The following PRRC2C variants were observed in gnomAD, a reference collection of about 807,000 sequenced individuals.
PRRC2C encodes the protein protein PRRC2C.
PRRC2C carries 72 observed loss-of-function variants against 317.2 expected under a neutral mutation model. That is an observed-to-expected ratio of 0.23 (90% confidence interval 0.19 to 0.28). The LOEUF is 0.28. PRRC2C is among the 10% of genes least tolerant of loss of function. PRRC2C has a pLI of 1.00. For missense variants in PRRC2C, 3,074 were observed against 3,459.7 expected, an observed-to-expected ratio of 0.89 and a Z score of 2.80; for synonymous variants, 1,296 against 1,205.9, an observed-to-expected ratio of 1.07 and a Z score of -1.55.
chr1:171,563,543 G>A (rs1315345673), intron 20 of PRRC2C, among the ~76,000 whole-genome samples: 1 of 152,040 alleles, frequency 6.6e-6, no homozygotes. Context: ...TGCTATAAAG[G>A]AGTACAGAAA....
chr1:171,514,434 C>A (rs1671954912), intron 3 of PRRC2C, 102 bp from the exon 4 acceptor site: 2 of 868,696 alleles, frequency 2.3e-6, no homozygotes, highest in Middle Eastern at 2.8e-4. Context: ...AATGAATAAA[C>A]ATATAGCCAA....
intron 17 of PRRC2C, among the ~76,000 whole-genome samples, chr1:171,548,054 C>G (rs916260512): frequency 6.6e-6 from 1 of 152,138 alleles, no homozygotes; most frequent in Non-Finnish European, 1.5e-5. Context: ...CAACCTCTGC[C>G]TCCCAGGTTC....
At chr1:171,585,338 T>G (rs1463497214) in intron 30 of PRRC2C, among the ~76,000 whole-genome samples, 1 of 152,198 alleles carries the variant, frequency 6.6e-6, no homozygotes, top group African/African-American at 2.4e-5. Flanking sequence ...AACACTTTCT[T>G]AAGTGTATGA....
intron 1 of PRRC2C, among the ~76,000 whole-genome samples, chr1:171,502,137 G>A (rs1450245590): frequency 3.3e-5 from 5 of 152,202 alleles, no homozygotes; most frequent in African/African-American, 1.2e-4. Flanking sequence ...CTAATCCAAG[G>A]CTCTGCAAAA....
rs112284184 is a variant in PRRC2C at position 171,528,136 on chromosome 1, T to G, written c.1254+292T>G. Among the ~76,000 whole-genome samples the G allele has an allele frequency of 1.9e-3, 284 of 152,258 alleles. 1 individual carries two copies. The highest frequency in any genetic ancestry group is 3.1e-3 in the South Asian group (15 of 4,828). ...TTTGGTGCTAAGGACACTTTTTTAC[T>G]TGGTTCCTTGTATCCTTTTCCACTT... On this transcript the variant is annotated intron_variant, in intron 11 of 34. Coordinates refer to ENST00000647382, the MANE Select transcript of PRRC2C (RefSeq NM_001387844.1).
rs760976009 is a variant in PRRC2C, at chr1:171,537,413, C to G, written c.2444C>G (p.Pro815Arg). 5 of 1,588,976 alleles carry G rather than the reference C, an allele frequency of 3.1e-6. No homozygotes were observed. The highest frequency in any genetic ancestry group is 1.3e-5 in the African/African-American group (1 of 74,476). The change falls in exon 15 of 35, where the codon CCT becomes CGT. Residue 815 changes from proline to arginine, a missense_variant. By Grantham distance (103) the Pro-to-Arg change is moderately radical (BLOSUM62 -2). Transcript: ENST00000647382. Reference protein sequence around the residue: ...PRMLWGSDPYPHAEPQQATTP... With the variant: ...PRMLWGSDPYRHAEPQQATTP... The stretch of plus-strand genomic sequence containing the variant: ...ATGCTGTGGGGGTCAGATCCCTATC[C>G]TCATGCTGAGCCTCAACAAGCAACT...
Position 171,541,309 on chromosome 1 carries a change from C to G in PRRC2C, c.3843C>G (p.Asp1281Glu), listed in dbSNP as rs1362479775. ...TTCATGAAAGTGCAAGTGACAAGGA[C>G]AGTTTAAGTAAAGGCAAACTTCCCA... is the stretch of plus-strand genomic sequence containing the variant. ...SEIHESASDK[D>E]SLSKGKLPKR... The change falls in exon 16 of 35, where the codon GAC becomes GAG. Residue 1281 changes from aspartate (D) to glutamate (E), a missense_variant. Around this residue, in one of 11 missense-constraint regions of PRRC2C, gnomAD observed 1,320 missense variants for 1,395.7 expected, o/e 0.95. Transcript: ENST00000647382. This position sits in a 1 kb window ranked among gnomAD's most constrained non-coding sequence, Gnocchi z 4.1. 4.3e-6 allele frequency: 7 copies of G among 1,613,918 alleles called. No individual in the cohort carries two copies. The highest frequency in any genetic ancestry group is 5.9e-6 in the Non-Finnish European group (7 of 1,179,886).
intron 1 of PRRC2C, among the ~76,000 whole-genome samples, chr1:171,496,041 G>A (rs182603612): frequency 9.9e-5 from 15 of 151,842 alleles, no homozygotes; most frequent in African/African-American, 2.4e-4. Flanking sequence ...CTCATGGCCC[G>A]TACAACCTCA....
At chr1:171,505,936 G>A (rs979480266) in intron 1 of PRRC2C, among the ~76,000 whole-genome samples, 2 of 152,130 alleles carry the variant, frequency 1.3e-5, no homozygotes, top group Admixed American at 6.5e-5. Flanking sequence ...TTTTGTTACC[G>A]TTGTGTACAG....
In PRRC2C at chr1:171,540,204, G is replaced by C; in HGVS notation, c.2738G>C (p.Arg913Pro). ...ACCTTATCCGCTCCTCAAGAGGAGC[G>C]GATTTCAGCTGTAGAAAGTCAGCCT... ...QKTLSAPQEERISAVESQPSR... is the reference protein window; with the variant it reads ...QKTLSAPQEEPISAVESQPSR... The change falls in exon 16 of 35, where the codon CGG (arginine) becomes CCG (proline). Residue 913 changes from arginine (R) to proline (P), a missense_variant. Physicochemically the swap from Arg to Pro is moderately radical, Grantham distance 103. Coordinates refer to ENST00000647382, the MANE Select transcript of PRRC2C (RefSeq NM_001387844.1). The C allele has an allele frequency of 6.2e-7, 1 of 1,613,822 alleles. No homozygotes were observed. Among genetic ancestry groups the C allele is most frequent in the Admixed American group, 1.7e-5 (1 of 60,008 alleles).
rs181197398 is a variant in PRRC2C at position 171,521,853 on chromosome 1, A to G, written c.751-324A>G. On this transcript the variant is annotated intron_variant, in intron 6 of 34. Coordinates refer to ENST00000647382, the MANE Select transcript of PRRC2C (RefSeq NM_001387844.1). Reference sequence around the variant, plus strand: ...GACACAGTTACTTTAATGTAATTTTACATTACATATCTCATTGATACAGTT... The same window carrying G: ...GACACAGTTACTTTAATGTAATTTTGCATTACATATCTCATTGATACAGTT... Among the ~76,000 whole-genome samples the G allele has an allele frequency of 2.3e-3, 347 of 152,368 alleles. 2 individuals carry two copies. Among genetic ancestry groups the G allele is most frequent in the Non-Finnish European group, 2.4e-3 (160 of 68,036 alleles).
At chr1:171,497,660 G>C (rs959022489) in intron 1 of PRRC2C, among the ~76,000 whole-genome samples, 19 of 152,024 alleles carry the variant, frequency 1.2e-4, no homozygotes, top group South Asian at 2.1e-4. Context: ...GTAGAGATGA[G>C]GTCTCACCAT....
At chr1:171,547,644 T>G (rs1329493777) in intron 17 of PRRC2C, among the ~76,000 whole-genome samples, 23 of 133,458 alleles carry the variant, frequency 1.7e-4, no homozygotes, top group East Asian at 6.9e-4. Context: ...TTTTTTTTTT[T>G]TGTTTTTTTT....
Position 171,587,724 on chromosome 1 carries a change from G to T in PRRC2C, c.8045G>T (p.Ser2682Ile). The T allele has an allele frequency of 6.2e-7, 1 of 1,612,602 alleles. No individual in the cohort carries two copies. The highest frequency in any genetic ancestry group is 8.5e-7 in the Non-Finnish European group (1 of 1,178,756). ...KPGTPPIAGR[S>I]TTPTSSPFRA... ...GGCACACCTCCAATCGCTGGTAGAA[G>T]CACCACACCAACATCTAGTCCCTTC... Residue 2682 changes from serine to isoleucine, a missense_variant, in exon 32 of 35, where the codon AGC (serine) becomes ATC (isoleucine). By Grantham distance (142) the Ser-to-Ile change is moderately radical. Around this residue, in one of 11 missense-constraint regions of PRRC2C, gnomAD observed 490 missense variants for 663.1 expected, o/e 0.74. Coordinates refer to ENST00000647382, the MANE Select transcript of PRRC2C (RefSeq NM_001387844.1).
chr1:171,513,345 G>A, intron 3 of PRRC2C, 173 bp downstream of exon 3: 1 of 785,290 alleles, frequency 1.3e-6, no homozygotes, highest in South Asian at 1.6e-5. Flanking sequence ...CCTATTAAAA[G>A]TATTTCAATT....
intron 16 of PRRC2C, among the ~76,000 whole-genome samples, chr1:171,544,762 A>G (rs1207703949): frequency 1.3e-5 from 2 of 152,212 alleles, no homozygotes; most frequent in East Asian, 1.9e-4. Flanking sequence ...AGAGCACCAT[A>G]TAGAAGAAAT....
At chr1:171,536,344 G>C (rs1676825033) in intron 14 of PRRC2C, 66 bp downstream of exon 14, 2 of 1,510,382 alleles carry the variant, frequency 1.3e-6, no homozygotes, top group East Asian at 4.8e-5. Flanking sequence ...TTTAGTTTCA[G>C]TTCCTTTGAG....
intron 30 of PRRC2C, among the ~76,000 whole-genome samples, chr1:171,585,719 AT>A (rs1340092778): frequency 6.6e-6 from 1 of 152,188 alleles, no homozygotes; most frequent in Non-Finnish European, 1.5e-5. Flanking sequence ...GATAGTCCTA[AT>A]TCTTTCAGTT....
intron 17 of PRRC2C, among the ~76,000 whole-genome samples, chr1:171,548,254 C>G (rs141867018): frequency 6.6e-6 from 1 of 152,198 alleles, no homozygotes; most frequent in Non-Finnish European, 1.5e-5. Flanking sequence ...CAGGTGTGAA[C>G]CACCATGCCC....
Sources: gnomAD v4.1 joint callset for allele counts (sites outside exome capture counted in the v4.1 genomes callset) on GRCh38, gnomAD v4.1.1 for gene constraint, gnomAD v4.1.1 regional missense constraint, Gnocchi (gnomAD v3.1) non-coding constraint, MANE v1.5 for transcripts, NCBI Gene and HGNC (gene_info 2026-07-23, HGNC 2026-07-21) for gene names.